EXT1: variants seen among roughly 807,000 people sequenced by gnomAD.
The protein encoded by EXT1 is exostosin glycosyltransferase 1.
EXT1 carries 20 observed loss-of-function variants against 82.5 expected under a neutral mutation model. The ratio of observed to expected loss-of-function variants is 0.24; its 90% CI spans 0.17 to 0.35. EXT1 has a LOEUF of 0.35. Ranked by LOEUF, EXT1 falls within the 10% of genes least tolerant of loss-of-function variation. EXT1 has a pLI of 1.00. For missense variants in EXT1, 757 were observed against 936.5 expected, an observed-to-expected ratio of 0.81 and a Z score of 2.50; for synonymous variants, 348 against 350.8, an observed-to-expected ratio of 0.99 and a Z score of 0.09.
At chr8:117,978,137 T>TCTA (rs946345846) in intron 1 of EXT1, among the ~76,000 whole-genome samples, 4 of 152,176 alleles carry the variant, frequency 2.6e-5, no homozygotes, top group Non-Finnish European at 5.9e-5. Flanking sequence ...TGATGAAAGG[T>TCTA]GTAGGTGGCA....
intron 1 of EXT1, among the ~76,000 whole-genome samples, chr8:117,872,613 C>T (rs1276219794): frequency 6.6e-6 from 1 of 152,092 alleles, no homozygotes; most frequent in African/African-American, 2.4e-5. Flanking sequence ...TGGATAGCTG[C>T]TAATTGTGCA....
At chr8:117,978,958 C>T (rs1442991568) in intron 1 of EXT1, among the ~76,000 whole-genome samples, 3 of 152,176 alleles carry the variant, frequency 2.0e-5, no homozygotes, top group African/African-American at 7.2e-5. Flanking sequence ...AACCAGCAGA[C>T]CTCAGAGTGG....
intron 1 of EXT1, among the ~76,000 whole-genome samples, chr8:118,011,426 C>T (rs934844230): frequency 6.6e-6 from 1 of 152,278 alleles, no homozygotes; most frequent in East Asian, 1.9e-4. Flanking sequence ...AATGTGCCTA[C>T]AAAATCCATC....
chr8:117,815,245 C>T (rs1811784505), intron 7 of EXT1, among the ~76,000 whole-genome samples: 2 of 152,102 alleles, frequency 1.3e-5, no homozygotes, highest in African/African-American at 4.8e-5. Context: ...AAAGACAACG[C>T]CTATAAATTC....
At chr8:117,952,478 T>C (rs1481524704) in intron 1 of EXT1, among the ~76,000 whole-genome samples, 1 of 152,154 alleles carries the variant, frequency 6.6e-6, no homozygotes, top group African/African-American at 2.4e-5. Context: ...TCAAAAAATA[T>C]GGTGAGACAC....
intron 1 of EXT1, among the ~76,000 whole-genome samples, chr8:117,926,456 A>C (rs576861866): frequency 2.6e-5 from 4 of 152,322 alleles, no homozygotes; most frequent in African/African-American, 9.6e-5. Context: ...CCCACTTTTT[A>C]AAAAAGCCAT....
intron 1 of EXT1, among the ~76,000 whole-genome samples, chr8:118,035,076 C>G (rs147201969): frequency 2.1e-3 from 314 of 152,292 alleles, no homozygotes; most frequent in African/African-American, 7.0e-3. Flanking sequence ...AGGGTCTTAA[C>G]AGAAACAGAG....
intron 9 of EXT1, among the ~76,000 whole-genome samples, chr8:117,806,402 T>C (rs2129698413): frequency 1.3e-5 from 2 of 152,168 alleles, no homozygotes; most frequent in South Asian, 4.2e-4. Context: ...TTCGGTACAG[T>C]GACATGCTGT....
chr8:117,972,493 G>A (rs1814963392), intron 1 of EXT1, among the ~76,000 whole-genome samples: 1 of 152,200 alleles, frequency 6.6e-6, no homozygotes, highest in East Asian at 1.9e-4. Flanking sequence ...TGTCAGGAGA[G>A]CAACTTCATT....
intron 1 of EXT1, among the ~76,000 whole-genome samples, chr8:117,984,352 G>C (rs1199118333): frequency 6.6e-6 from 1 of 151,906 alleles, no homozygotes; most frequent in Non-Finnish European, 1.5e-5. Context: ...CTGGGGTGCA[G>C]GGTGAGGTGG....
In EXT1 at chr8:118,070,166, T is replaced by C. The variant is rs117860735; in HGVS notation, c.962+39919A>G. 4.7e-3 allele frequency among the ~76,000 whole-genome samples: 718 copies of C among 152,164 alleles called. 2 individuals are homozygous for C. The highest frequency in any genetic ancestry group is 8.3e-3 in the Non-Finnish European group (566 of 68,006). On this transcript the variant is annotated intron_variant, in intron 1 of 10. Coordinates refer to ENST00000378204, the MANE Select transcript of EXT1 (RefSeq NM_000127.3). ...ACTACAAAAATGTATTTTTGAAAAT[T>C]GTTATTTCACTTAACTTTTTTCTGA...
At chr8:117,887,942 G>A (rs570247474) in intron 1 of EXT1, among the ~76,000 whole-genome samples, 3 of 151,600 alleles carry the variant, frequency 2.0e-5, no homozygotes, top group East Asian at 1.9e-4. Flanking sequence ...AAAATTAGCC[G>A]GGTGTGGTGG....
At chr8:118,070,966 TG>T (rs1203601873) in intron 1 of EXT1, among the ~76,000 whole-genome samples, 1 of 152,232 alleles carries the variant, frequency 6.6e-6, no homozygotes, top group Non-Finnish European at 1.5e-5. Context: ...AGCCTCCATT[TG>T]TGATCTGACC....
chr8:117,897,238 T>C (rs1344435815), intron 1 of EXT1, among the ~76,000 whole-genome samples: 2 of 152,206 alleles, frequency 1.3e-5, no homozygotes, highest in Admixed American at 6.5e-5. Flanking sequence ...AATTAAACCA[T>C]ATCCAGCAGG....
intron 1 of EXT1, among the ~76,000 whole-genome samples, chr8:118,029,767 C>T (rs1816274552): frequency 6.6e-6 from 1 of 152,208 alleles, no homozygotes; most frequent in African/African-American, 2.4e-5. Context: ...GCTCGTTTTA[C>T]TTACTACTGA....
At chr8:117,976,272 T>C (rs971311576) in intron 1 of EXT1, among the ~76,000 whole-genome samples, 7 of 152,216 alleles carry the variant, frequency 4.6e-5, no homozygotes, top group Non-Finnish European at 8.8e-5. Context: ...TGAGGCTATA[T>C]AGCCAACAGA....
chr8:118,014,438 T>C lies in EXT1; in HGVS notation c.962+95647A>G, dbSNP rs374410756. The stretch of plus-strand genomic sequence containing the variant: ...GAGTTCACATACTCTCCTTCTCATG[T>C]CCGTGCATCCCTTCAACCAGTTATT... On this transcript the variant is annotated intron_variant, in intron 1 of 10. Transcript: ENST00000378204. Among the ~76,000 whole-genome samples the C allele has an allele frequency of 3.3e-5, 5 of 152,294 alleles. No individual in the cohort carries two copies. The East Asian group carries it at 9.6e-4, about 29-fold the overall frequency.
chr8:117,816,617 T>A (rs538291196), intron 7 of EXT1, among the ~76,000 whole-genome samples: 17 of 152,298 alleles, frequency 1.1e-4, no homozygotes, highest in African/African-American at 3.8e-4. Flanking sequence ...ATCTGAGGCA[T>A]CTTGTAAGAG....
intron 1 of EXT1, among the ~76,000 whole-genome samples, chr8:117,844,565 A>G (rs1418400150): frequency 6.6e-6 from 1 of 152,190 alleles, no homozygotes; most frequent in Non-Finnish European, 1.5e-5. Flanking sequence ...CCAATCTTTT[A>G]GCTGGAAAAT....
Sources: gnomAD v4.1 joint callset for allele counts (sites outside exome capture counted in the v4.1 genomes callset) on GRCh38, gnomAD v4.1.1 for gene constraint, MANE v1.5 for transcripts, NCBI Gene and HGNC (gene_info 2026-07-23, HGNC 2026-07-21) for gene names.